CSF2RA: variants seen among roughly 807,000 people sequenced by gnomAD.
CSF2RA encodes the protein granulocyte-macrophage colony-stimulating factor receptor subunit alpha.
CSF2RA carries 42 observed loss-of-function variants against 51.6 expected under a neutral mutation model. The observed-to-expected ratio is 0.81, with a 90% CI of 0.64 to 1.05. The LOEUF is 1.05. Among genes scored for constraint, CSF2RA ranks in the 50% least tolerant of loss-of-function variants. CSF2RA has a pLI of 0.00. For missense variants in CSF2RA, 530 were observed against 501.1 expected, an observed-to-expected ratio of 1.06 and a Z score of -0.55; for synonymous variants, 222 against 193.0, an observed-to-expected ratio of 1.15 and a Z score of -1.24.
intron 3 of CSF2RA, among the ~76,000 whole-genome samples, chrX:1,283,617 G>T (rs1355988458): frequency 6.7e-6 from 1 of 149,704 alleles, no homozygotes. Context: ...GCCCAGGCTG[G>T]AGTGCAATGG....
At chrX:1,276,066 T>A (rs2089153656) in intron 2 of CSF2RA, among the ~76,000 whole-genome samples, 3 of 151,088 alleles carry the variant, frequency 2.0e-5, no homozygotes. Context: ...AGTGGAGCGA[T>A]CTCAGCTCAC....
At chrX:1,321,236 G>A in the CSF2RA span, among the ~76,000 whole-genome samples, 20 of 152,020 alleles carry the variant, frequency 1.3e-4, no homozygotes, top group Admixed American at 2.0e-4. Context: ...TTGGGAGGCC[G>A]AGGCGGGTGG....
At chrX:1,291,989 T>C (rs1293058714) in intron 7 of CSF2RA, among the ~76,000 whole-genome samples, 3 of 147,386 alleles carry the variant, frequency 2.0e-5, no homozygotes, top group Non-Finnish European at 4.5e-5. Flanking sequence ...CTGGACCCAG[T>C]GTAGACAAAG....
intron 1 of CSF2RA, among the ~76,000 whole-genome samples, chrX:1,269,906 G>A (rs1177351230): frequency 6.6e-6 from 1 of 152,082 alleles, no homozygotes; most frequent in Non-Finnish European, 1.5e-5. Flanking sequence ...TCAGGAGTTC[G>A]AGATCAGCTT....
Position 1,309,722 on chromosome X carries a change from A to G in CSF2RA, c.*243A>G. ...CCCAACATGGTGAAACCCCATCTGG[A>G]CTAAAAATGCAGAAATTTACCCAGG... is the stretch of plus-strand genomic sequence containing the variant. On this transcript the variant is annotated 3_prime_UTR_variant, in exon 13 of 13. Coordinates refer to ENST00000381529, the MANE Select transcript of CSF2RA (RefSeq NM_172245.4). 1 of 855,994 alleles carries G rather than the reference A, an allele frequency of 1.2e-6. No individual in the cohort carries two copies. Among genetic ancestry groups the G allele is most frequent in the East Asian group, 2.6e-5 (1 of 38,976 alleles). The allele number at this position is 855,994 out of a possible 1,614,324, so 53.0% of individuals were successfully genotyped here.
chrX:1,317,347 G>A, the CSF2RA span, among the ~76,000 whole-genome samples: 1 of 134,850 alleles, frequency 7.4e-6, no homozygotes, highest in African/African-American at 2.9e-5. Context: ...CGCCTCCCGG[G>A]TTCCAGCGAT....
rs1365697573 is a variant in CSF2RA, at chrX:1,287,646, G to C, written c.220-873G>C. Among the ~76,000 whole-genome samples the C allele has an allele frequency of 1.4e-5, 2 of 141,594 alleles. 1 individual carries two copies. The highest frequency in any genetic ancestry group is 3.0e-5 in the Non-Finnish European group (2 of 65,650). The allele number at this position is 141,594 out of a possible 152,430, so 92.9% of individuals were successfully genotyped here. A position where few individuals can be genotyped will look rare whatever the true frequency, so the allele number is the denominator to read the frequency against. ...TTTAGTAGAGACGGGGTTTCACCAT[G>C]TTGGCCAGGCTGATCTTGAACTCCT... On this transcript the variant is annotated intron_variant, in intron 4 of 12. Transcript: ENST00000381529.
chrX:1,284,225 AC>A (rs1206370286), intron 3 of CSF2RA, among the ~76,000 whole-genome samples: 2 of 102,112 alleles, frequency 2.0e-5, no homozygotes, highest in East Asian at 2.4e-4. Flanking sequence ...TTTTTTTGAG[AC>A]AGGATCTCGC....
In CSF2RA at chrX:1,295,572, G is replaced by A. The variant is rs1292159850; in HGVS notation, c.810+116G>A. On this transcript the variant is annotated intron_variant, in intron 9 of 12. Transcript: ENST00000381529. ...CTCATGACCCCTACAGTCCCCTACC[G>A]ACGACCTCCAGCGTAACCCTACGGT... is the stretch of plus-strand genomic sequence containing the variant. The A allele has an allele frequency of 9.8e-6, 8 of 813,060 alleles. 1 individual carries two copies. The highest frequency in any genetic ancestry group is 1.9e-5 in the African/African-American group (1 of 51,698). 50.4% of individuals were successfully genotyped at this position (813,060 alleles called of 1,614,324 possible).
At chrX:1,299,005 C>G (rs1380956578) in intron 9 of CSF2RA, among the ~76,000 whole-genome samples, 2 of 152,166 alleles carry the variant, frequency 1.3e-5, no homozygotes, top group African/African-American at 4.8e-5. Context: ...ACTCTTAGTG[C>G]CAGTGTGGCC....
Position 1,300,527 on chromosome X carries a change from T to G in CSF2RA, c.847T>G (p.Phe283Val). ...TGGTGATTTGGAAAATAGATACAAC[T>G]TTCCAAGCTCTGAGCCCAGAGCAAA... ...VSGDLENRYNFPSSEPRAKHS... is the reference protein window; with the variant it reads ...VSGDLENRYNVPSSEPRAKHS... Residue 283 changes from phenylalanine (F) to valine (V), a missense_variant, in exon 10 of 13, where the codon TTT (phenylalanine) becomes GTT (valine). Phe to Val is a conservative substitution (Grantham distance 50). Transcript: ENST00000381529. 1 of 1,613,954 alleles carries G rather than the reference T, an allele frequency of 6.2e-7. No homozygotes were observed. The highest frequency in any genetic ancestry group is 8.5e-7 in the Non-Finnish European group (1 of 1,179,848).
rs760074108 is a variant in CSF2RA at position 1,306,460 on chromosome X, A to T, written c.1125+933A>T. On this transcript the variant is annotated intron_variant, in intron 12 of 12. Coordinates refer to ENST00000381529, the MANE Select transcript of CSF2RA (RefSeq NM_172245.4). ...TCGGGAGTTCGAGACCAGCCTGACC[A>T]ACCTGAAGAAACCTCGTCTCTACTA... Among the ~76,000 whole-genome samples the T allele has an allele frequency of 2.0e-5, 3 of 152,154 alleles. No homozygotes were observed. The East Asian group carries it at 5.8e-4, about 29-fold the overall frequency.
downstream of CSF2RA, among the ~76,000 whole-genome samples, chrX:1,312,662 G>A (rs1202940075): frequency 6.6e-6 from 1 of 152,104 alleles, no homozygotes; most frequent in Admixed American, 6.6e-5. Flanking sequence ...GATGGTGGCT[G>A]ACAGGTGGTC....
the CSF2RA span, among the ~76,000 whole-genome samples, chrX:1,316,031 G>GATAC: frequency 0.38 from 42,970 of 114,450 alleles, 6,656 homozygotes; most frequent in Middle Eastern, 0.47. Context: ...TAGATACATA[G>GATAC]ATAGACCAAT....
intron 10 of CSF2RA, chrX:1,303,439 C>T: frequency 2.4e-6 from 1 of 420,778 alleles, no homozygotes; most frequent in Non-Finnish European, 4.2e-6. Flanking sequence ...GAGGTTTCAC[C>T]ATGTTAGTGA....
chrX:1,316,047 GATAGATAGATCA>G, the CSF2RA span, among the ~76,000 whole-genome samples: 1 of 139,786 alleles, frequency 7.2e-6, no homozygotes, highest in Admixed American at 6.8e-5. Context: ...CCAATAGACA[GATAGATAGATCA>G]ATAGATAGAT....
chrX:1,314,533 GCA>G (rs1569514926), downstream of CSF2RA, among the ~76,000 whole-genome samples: 9 of 121,068 alleles, frequency 7.4e-5, 1 homozygote, highest in African/African-American at 2.8e-4. Flanking sequence ...CAATCCCACT[GCA>G]CCTGCCCAAT....
intron 2 of CSF2RA, among the ~76,000 whole-genome samples, chrX:1,278,252 C>T (rs1290484095): frequency 6.7e-6 from 1 of 149,232 alleles, no homozygotes; most frequent in Admixed American, 6.7e-5. Flanking sequence ...AGAATTGCTT[C>T]AACTTGGGAG....
chrX:1,282,810 C>T (rs749628888), intron 3 of CSF2RA, 31 bp downstream of exon 3: 13 of 1,578,250 alleles, frequency 8.2e-6, no homozygotes, highest in South Asian at 1.1e-5. Flanking sequence ...GAACCTTCTC[C>T]GCGGCCCCTG....
Sources: gnomAD v4.1 joint callset for allele counts (sites outside exome capture counted in the v4.1 genomes callset) on GRCh38, gnomAD v4.1.1 for gene constraint, MANE v1.5 for transcripts, NCBI Gene and HGNC (gene_info 2026-07-23, HGNC 2026-07-21) for gene names.